Variants in EPB41L4A observed in about 807,000 individuals in gnomAD.
EPB41L4A encodes the protein erythrocyte membrane protein band 4.1 like 4A, also known as band 4.1-like protein 4A.
A neutral mutation model predicts 108.6 loss-of-function variants in EPB41L4A; 100 were observed. The observed-to-expected ratio is 0.92, with a 90% CI of 0.78 to 1.09. EPB41L4A has a LOEUF of 1.09. Ranked by LOEUF, EPB41L4A falls within the 50% of genes least tolerant of loss-of-function variation. The probability of loss-of-function intolerance (pLI) is 0.00; values close to 1 mark genes in which losing one functional copy is unlikely to be tolerated. For synonymous variants in EPB41L4A, 319 were observed against 289.0 expected (o/e 1.10, Z -1.05); for missense variants, 1,030 against 842.7 (o/e 1.22, Z -2.75).
intron 1 of EPB41L4A, among the ~76,000 whole-genome samples, chr5:112,342,638 C>G (rs1235517712): frequency 6.6e-6 from 1 of 152,146 alleles, no homozygotes. Flanking sequence ...CAGTCAGCAG[C>G]CAGCAGCAGG....
At chr5:112,376,834 A>G (rs955595276) in intron 1 of EPB41L4A, among the ~76,000 whole-genome samples, 2 of 151,650 alleles carry the variant, frequency 1.3e-5, no homozygotes, top group South Asian at 2.1e-4. Flanking sequence ...AAATAAAATT[A>G]TAGAAACAGA....
At chr5:112,312,296 G>T (rs767597321) in intron 1 of EPB41L4A, among the ~76,000 whole-genome samples, 41 of 152,106 alleles carry the variant, frequency 2.7e-4, no homozygotes, top group Non-Finnish European at 4.6e-4. Flanking sequence ...CAAACTACCA[G>T]AACATGCCAA....
chr5:112,205,291 T>TAG, intron 14 of EPB41L4A, 130 bp downstream of exon 14: 1 of 811,330 alleles, frequency 1.2e-6, no homozygotes, highest in Non-Finnish European at 2.2e-6. Flanking sequence ...CACATTGATT[T>TAG]AGAGTCTGCC....
In EPB41L4A at chr5:112,416,988, CAAAATA is replaced by C. The variant is rs558086406; in HGVS notation, c.99+1947_99+1952del. 3.4e-3 allele frequency among the ~76,000 whole-genome samples: 522 copies of C among 152,320 alleles called. 3 individuals carry two copies. Among genetic ancestry groups the C allele is most frequent in the African/African-American group, 0.012 (505 of 41,586 alleles). On this transcript the variant is annotated intron_variant, in intron 1 of 22. Coordinates refer to ENST00000261486, the MANE Select transcript of EPB41L4A (RefSeq NM_022140.5). ...ACATCTGTGTTACACACATGGCCAT[CAAAATA>C]ATTGTGGCATGCTTTTGTGACAAGG...
intron 2 of EPB41L4A, among the ~76,000 whole-genome samples, chr5:112,302,932 A>G (rs1467463605): frequency 2.0e-5 from 3 of 152,064 alleles, no homozygotes; most frequent in Admixed American, 2.0e-4. Context: ...GATACCCTTC[A>G]TGTGTTGTTG....
At chr5:112,377,070 T>C (rs1759866011) in intron 1 of EPB41L4A, among the ~76,000 whole-genome samples, 1 of 152,020 alleles carries the variant, frequency 6.6e-6, no homozygotes. Flanking sequence ...CCAGGCACTG[T>C]GTCACACACC....
intron 12 of EPB41L4A, among the ~76,000 whole-genome samples, chr5:112,147,795 A>G (rs2112793541): frequency 6.6e-6 from 1 of 151,446 alleles, no homozygotes; most frequent in Admixed American, 6.6e-5. Context: ...AAACAGGCCT[A>G]GCGCGGTGGC....
At chr5:112,264,332 A>C (rs1751698279) in intron 6 of EPB41L4A, 1 of 152,334 alleles carries the variant, frequency 6.6e-6, no homozygotes, top group Non-Finnish European at 1.5e-5. Flanking sequence ...CATACCCTCA[A>C]AGGTTTCACA....
chr5:112,167,492 C>G (rs975729214), intron 22 of EPB41L4A, among the ~76,000 whole-genome samples: 1 of 152,110 alleles, frequency 6.6e-6, no homozygotes, highest in African/African-American at 2.4e-5. Flanking sequence ...GGAGTGTTGC[C>G]TGCCGTGTAG....
chr5:112,186,281 T>G (rs1010267760), intron 17 of EPB41L4A, among the ~76,000 whole-genome samples: 2 of 152,158 alleles, frequency 1.3e-5, no homozygotes, highest in African/African-American at 4.8e-5. Flanking sequence ...AAACACATAC[T>G]TTTCCTAGAG....
intron 1 of EPB41L4A, among the ~76,000 whole-genome samples, chr5:112,393,988 T>C (rs1379350204): frequency 2.6e-5 from 4 of 151,648 alleles, no homozygotes; most frequent in Non-Finnish European, 4.4e-5. Context: ...AAGACAAAAA[T>C]CACATGATTA....
intron 12 of EPB41L4A, among the ~76,000 whole-genome samples, chr5:112,216,695 C>T (rs892193140): frequency 1.3e-5 from 2 of 152,114 alleles, no homozygotes; most frequent in African/African-American, 4.8e-5. Context: ...TCAGTTAACA[C>T]AATCTGATTT....
chr5:112,221,575 T>C (rs538961310), intron 12 of EPB41L4A, among the ~76,000 whole-genome samples: 2 of 152,328 alleles, frequency 1.3e-5, no homozygotes, highest in East Asian at 3.9e-4. Flanking sequence ...AGCACTGTGT[T>C]TGGAATTTAG....
rs573568134 is a variant in EPB41L4A at position 112,146,443 on chromosome 5, G to C, written n.995-445C>G. Reference sequence around the variant, plus strand: ...AGTAATTCTGTGTCCCACAGGAGCAGAGGATCTTCCAACGCTGTTTGCGCT... The same window carrying C: ...AGTAATTCTGTGTCCCACAGGAGCACAGGATCTTCCAACGCTGTTTGCGCT... On this transcript the variant is annotated intron_variant and non_coding_transcript_variant, in intron 12 of 13. Transcript: ENST00000507810. Among the ~76,000 whole-genome samples, 6 of 152,326 alleles carry C rather than the reference G, an allele frequency of 3.9e-5. No homozygotes were observed. The South Asian group carries it at 1.0e-3, about 26-fold the overall frequency.
intron 13 of EPB41L4A, among the ~76,000 whole-genome samples, chr5:112,144,786 C>A (rs1046694529): frequency 1.3e-5 from 2 of 152,046 alleles, no homozygotes; most frequent in African/African-American, 4.8e-5. Flanking sequence ...GTTGCTACTG[C>A]TGTTATAGTT....
rs377286850 is a variant in EPB41L4A at position 112,147,904 on chromosome 5, T to C, written n.995-1906A>G. Among the ~76,000 whole-genome samples the C allele has an allele frequency of 3.8e-4, 57 of 151,460 alleles. No individual in the cohort carries two copies. In the East Asian group the frequency reaches 0.01, roughly 27 times the overall value. On this transcript the variant is annotated intron_variant and non_coding_transcript_variant, in intron 12 of 13. Coordinates refer to the EPB41L4A transcript ENST00000507810. ...AAATACAAAAATTAGCTGGGCAAAA[T>C]GGCACATGACTTTAGTCCCAGCTAC...
intron 12 of EPB41L4A, among the ~76,000 whole-genome samples, chr5:112,222,216 A>G (rs554618150): frequency 3.9e-5 from 6 of 152,390 alleles, no homozygotes; most frequent in Admixed American, 3.3e-4. Context: ...GAGCTACTGA[A>G]GAAATCACAC....
At position 112,214,659 on chromosome 5, in the gene EPB41L4A, G is replaced by A. The variant is rs555806552; in HGVS notation, c.1088-4677C>T. ...TGGGCACCTGTAGTCCCAGCTACTC[G>A]GGAGGCTGAGGCAGAAGAATGACGT... On this transcript the variant is annotated intron_variant, in intron 12 of 22. Transcript: ENST00000261486. Among the ~76,000 whole-genome samples, 6 of 152,088 alleles carry A rather than the reference G, an allele frequency of 3.9e-5. No individual in the cohort carries two copies. In the East Asian group the frequency reaches 5.8e-4, roughly 15 times the overall value.
At chr5:112,240,566 G>A (rs568398426) in intron 10 of EPB41L4A, among the ~76,000 whole-genome samples, 153 bp downstream of exon 10, 63 of 152,264 alleles carry the variant, frequency 4.1e-4, no homozygotes, top group Non-Finnish European at 2.1e-4. Flanking sequence ...ATGTGTGCAT[G>A]TTTGTATTAA....
Sources: allele counts gnomAD v4.1 joint callset (sites outside exome capture counted in the v4.1 genomes callset), GRCh38; gene constraint gnomAD v4.1.1; transcripts MANE v1.5; gene names NCBI Gene and HGNC (gene_info 2026-07-23, HGNC 2026-07-21).